CSNK1G1: variants seen among roughly 807,000 people sequenced by gnomAD.
CSNK1G1 encodes the protein casein kinase 1 gamma 1, also known as casein kinase I isoform gamma-1.
Under a neutral mutation model 59.6 loss-of-function variants are expected in CSNK1G1, and 22 were observed. The ratio of observed to expected loss-of-function variants is 0.37; its 90% CI spans 0.26 to 0.53. The LOEUF is 0.53. Ranked by LOEUF, CSNK1G1 falls within the 20% of genes least tolerant of loss-of-function variation. CSNK1G1 has a pLI of 0.89. For missense variants in CSNK1G1, 384 were observed against 519.5 expected (o/e 0.74, Z 2.54); for synonymous variants, 179 against 177.1 (o/e 1.01, Z -0.08).
intron 1 of CSNK1G1, among the ~76,000 whole-genome samples, chr15:64,351,195 C>T (rs748980217): frequency 7.9e-5 from 12 of 152,040 alleles, no homozygotes; most frequent in South Asian, 2.1e-4. Flanking sequence ...TGGAAGAATA[C>T]TCATTTGGTT....
chr15:64,221,191 C>T (rs1014435633), intron 4 of CSNK1G1, among the ~76,000 whole-genome samples: 2 of 152,200 alleles, frequency 1.3e-5, no homozygotes, highest in African/African-American at 4.8e-5. Context: ...ATAATATCCT[C>T]TTTCTAAAGT....
rs561937244 is a variant in CSNK1G1 at position 64,276,276 on chromosome 15, T to C, written c.182-17035A>G. On this transcript the variant is annotated intron_variant, in intron 2 of 11. Transcript: ENST00000303052. ...TGGTGGGCAGAAAAACTGGAGTGAA[T>C]CATTCTAGAAAGTATGATTTTCTGC... Among the ~76,000 whole-genome samples, 27 of 152,300 alleles carry C rather than the reference T, an allele frequency of 1.8e-4. No individual in the cohort carries two copies. The South Asian group carries it at 3.7e-3, about 21-fold the overall frequency.
chr15:64,351,570 T>C (rs1484066102), intron 1 of CSNK1G1, among the ~76,000 whole-genome samples: 5 of 152,152 alleles, frequency 3.3e-5, no homozygotes, highest in Non-Finnish European at 5.9e-5. Context: ...GTATACTATC[T>C]CTTATATCAA....
intron 4 of CSNK1G1, among the ~76,000 whole-genome samples, chr15:64,231,847 T>C (rs962426974): frequency 2.6e-5 from 4 of 152,232 alleles, no homozygotes; most frequent in Non-Finnish European, 5.9e-5. Flanking sequence ...ATTATTGTCC[T>C]ACCATTAACC....
intron 3 of CSNK1G1, among the ~76,000 whole-genome samples, chr15:64,258,690 T>C (rs991596291): frequency 6.6e-6 from 1 of 152,206 alleles, no homozygotes; most frequent in Non-Finnish European, 1.5e-5. Flanking sequence ...TCATTTTCTA[T>C]GACTAGTTTA....
At chr15:64,284,190 T>G (rs1207950740) in intron 2 of CSNK1G1, among the ~76,000 whole-genome samples, 1 of 152,216 alleles carries the variant, frequency 6.6e-6, no homozygotes, top group Non-Finnish European at 1.5e-5. Context: ...AGTCTATATG[T>G]CTATCCTGAT....
intron 4 of CSNK1G1, among the ~76,000 whole-genome samples, chr15:64,242,153 A>G (rs893897405): frequency 1.3e-5 from 2 of 152,240 alleles, no homozygotes; most frequent in Non-Finnish European, 2.9e-5. Flanking sequence ...AAACTGAACC[A>G]TGAAAAACAC....
intron 4 of CSNK1G1, among the ~76,000 whole-genome samples, chr15:64,221,919 T>C (rs1024396738): frequency 1.3e-5 from 2 of 152,078 alleles, no homozygotes; most frequent in Non-Finnish European, 2.9e-5. Context: ...AGCAATCCCA[T>C]TACTGAGTAT....
At chr15:64,237,436 A>G (rs140931232) in intron 4 of CSNK1G1, among the ~76,000 whole-genome samples, 60 of 152,240 alleles carry the variant, frequency 3.9e-4, no homozygotes, top group African/African-American at 1.4e-3. Flanking sequence ...AGGTTATGTA[A>G]ATTTTCTACC....
At chr15:64,268,727 G>A (rs905109483) in intron 2 of CSNK1G1, among the ~76,000 whole-genome samples, 6 of 152,154 alleles carry the variant, frequency 3.9e-5, no homozygotes, top group African/African-American at 1.2e-4. Flanking sequence ...GTGGGTGTGT[G>A]TGTCAGCATC....
At chr15:64,194,424 A>G (rs2082011699) in intron 10 of CSNK1G1, 1 of 151,514 alleles carries the variant, frequency 6.6e-6, no homozygotes, top group South Asian at 2.1e-4. Flanking sequence ...TGTTTCCTTT[A>G]GAAAAATTAT....
At chr15:64,276,674 G>A (rs1285157475) in intron 2 of CSNK1G1, among the ~76,000 whole-genome samples, 4 of 152,124 alleles carry the variant, frequency 2.6e-5, no homozygotes, top group East Asian at 1.9e-4. Flanking sequence ...GGCTGGGCAC[G>A]GTGGCTCACG....
At chr15:64,172,838 G>A (rs1377981310) in intron 11 of CSNK1G1, among the ~76,000 whole-genome samples, 1 of 152,176 alleles carries the variant, frequency 6.6e-6, no homozygotes, top group Non-Finnish European at 1.5e-5. Context: ...CCACAGTTCT[G>A]GCACATCCCA....
chr15:64,259,529 T>A (rs1320220922), intron 2 of CSNK1G1, among the ~76,000 whole-genome samples: 1 of 141,786 alleles, frequency 7.1e-6, no homozygotes, highest in Admixed American at 7.0e-5. Context: ...CACACATGCA[T>A]GCATATTAAT....
At chr15:64,318,306 C>A (rs1468154691) in intron 1 of CSNK1G1, among the ~76,000 whole-genome samples, 1 of 151,178 alleles carries the variant, frequency 6.6e-6, no homozygotes, top group Non-Finnish European at 1.5e-5. Context: ...AGTGTATGCT[C>A]AAAAAAAATA....
At chr15:64,292,373 T>A (rs1390299775) in intron 2 of CSNK1G1, among the ~76,000 whole-genome samples, 2 of 152,202 alleles carry the variant, frequency 1.3e-5, no homozygotes, top group East Asian at 3.8e-4. Flanking sequence ...AACAAGCTGC[T>A]ACCCTTAGCC....
intron 6 of CSNK1G1, among the ~76,000 whole-genome samples, chr15:64,207,797 G>A (rs1429716152): frequency 1.3e-5 from 2 of 152,182 alleles, no homozygotes; most frequent in African/African-American, 4.8e-5. Context: ...TTGATGGTAA[G>A]TAAATATCAA....
intron 10 of CSNK1G1, chr15:64,193,810 A>G (rs1229497017): frequency 6.6e-6 from 1 of 152,148 alleles, no homozygotes; most frequent in East Asian, 1.9e-4. Context: ...TATCCTTACA[A>G]TGGTGTAAGA....
At chr15:64,277,180 G>A (rs1462338189) in intron 2 of CSNK1G1, among the ~76,000 whole-genome samples, 2 of 152,126 alleles carry the variant, frequency 1.3e-5, no homozygotes, top group South Asian at 2.1e-4. Context: ...TAATAAAGTT[G>A]GAGGCTGGGT....
Sources: allele counts gnomAD v4.1 joint callset (sites outside exome capture counted in the v4.1 genomes callset), GRCh38; gene constraint gnomAD v4.1.1; transcripts MANE v1.5; gene names NCBI Gene and HGNC (gene_info 2026-07-23, HGNC 2026-07-21).